SMURF1: variants seen among roughly 807,000 people sequenced by gnomAD.
SMURF1 encodes the protein SMAD specific E3 ubiquitin protein ligase 1, also known as E3 ubiquitin-protein ligase SMURF1.
A neutral mutation model predicts 98.0 loss-of-function variants in SMURF1; 44 were observed. The observed-to-expected ratio is 0.45, with a 90% CI of 0.35 to 0.58. The LOEUF (loss-of-function observed/expected upper bound fraction) is 0.58, where lower values mean the gene tolerates loss of function less well. SMURF1 is among the 20% of genes least tolerant of loss of function. SMURF1 has a pLI of 0.00. For missense variants in SMURF1, 687 were observed against 938.4 expected, an observed-to-expected ratio of 0.73 and a Z score of 3.50; for synonymous variants, 396 against 374.9, an observed-to-expected ratio of 1.06 and a Z score of -0.65.
intron 16 of SMURF1, among the ~76,000 whole-genome samples, chr7:99,035,047 C>T (rs1399508309): frequency 6.6e-6 from 1 of 152,218 alleles, no homozygotes; most frequent in Non-Finnish European, 1.5e-5. Context: ...AGAATTCCAC[C>T]CCACTTCCGG....
At chr7:99,094,013 AAAG>A (rs1368466648) in intron 1 of SMURF1, among the ~76,000 whole-genome samples, 1 of 152,206 alleles carries the variant, frequency 6.6e-6, no homozygotes, top group African/African-American at 2.4e-5. Flanking sequence ...AAATCAATTA[AAAG>A]AAATTATTTG....
chr7:99,140,308 A>G (rs1798089135), intron 1 of SMURF1, among the ~76,000 whole-genome samples: 2 of 99,172 alleles, frequency 2.0e-5, no homozygotes, highest in Non-Finnish European at 3.8e-5. Flanking sequence ...TTTTTTTGAG[A>G]CAGAGTCTCA....
Position 99,040,293 on chromosome 7 carries a change from A to ACG in SMURF1, c.1550+83_1550+84dup, listed in dbSNP as rs3033104. 593 of 1,240,850 alleles carry ACG rather than the reference A, an allele frequency of 4.8e-4. 3 individuals are homozygous for ACG. Among genetic ancestry groups the ACG allele is most frequent in the East Asian group, 2.1e-3 (75 of 35,138 alleles). The allele number at this position is 1,240,850 out of a possible 1,614,324, so 76.9% of individuals were successfully genotyped here. ...ACACACATCCCCAAAATACACACAC[A>ACG]CGCGCGCGCGCGCGCACGCGCATAC... is the stretch of plus-strand genomic sequence containing the variant. On this transcript the variant is annotated intron_variant, in intron 13 of 17. Transcript: ENST00000361368.
At chr7:99,059,408 AAAATAAAATAAAATAAAATAAAATAAAAT>A (rs1795971383) in intron 3 of SMURF1, among the ~76,000 whole-genome samples, 9 of 92,262 alleles carry the variant, frequency 9.8e-5, no homozygotes, top group East Asian at 3.4e-4. Context: ...AAAAAAAAAT[AAAATAAAATAAAATAAAATAAAATAAAAT>A]AAAATAAAAT....
chr7:99,106,937 C>T (rs1797206822), intron 1 of SMURF1, among the ~76,000 whole-genome samples: 1 of 152,122 alleles, frequency 6.6e-6, no homozygotes, highest in Non-Finnish European at 1.5e-5. Flanking sequence ...TTGCATTTTC[C>T]CCAAGTAAGT....
In SMURF1 at chr7:99,030,059, A is replaced by T. The variant is rs886934738; in HGVS notation, c.*525T>A. On this transcript the variant is annotated 3_prime_UTR_variant, in exon 18 of 18. Transcript: ENST00000361368. The stretch of plus-strand genomic sequence containing the variant: ...ATTATATAGTTATTTTCCAGTTGGA[A>T]ATTGATCTGCTACCCAGAACCGGCT... The T allele has an allele frequency of 1.3e-5, 2 of 153,852 alleles. No individual in the cohort carries two copies. The highest frequency in any genetic ancestry group is 2.4e-5 in the African/African-American group (1 of 41,484). The allele number at this position is 153,852 out of a possible 1,614,324, so 9.5% of individuals were successfully genotyped here.
At chr7:99,085,223 G>A (rs1796653645) in intron 1 of SMURF1, among the ~76,000 whole-genome samples, 1 of 151,712 alleles carries the variant, frequency 6.6e-6, no homozygotes, top group Admixed American at 6.6e-5. Context: ...CATGGTGGTG[G>A]GTGCCTGTAA....
chr7:99,108,376 G>A (rs983602678), intron 1 of SMURF1, among the ~76,000 whole-genome samples: 20 of 151,896 alleles, frequency 1.3e-4, no homozygotes, highest in African/African-American at 3.9e-4. Context: ...TTGGGAGGCC[G>A]AGGCGGGCAG....
chr7:99,068,431 T>TA (rs1796246529), intron 1 of SMURF1, among the ~76,000 whole-genome samples: 2 of 152,092 alleles, frequency 1.3e-5, no homozygotes, highest in South Asian at 4.1e-4. Flanking sequence ...GCTGGGACTA[T>TA]AGGCATGCAC....
intron 6 of SMURF1, 47 bp from the exon 7 acceptor site, chr7:99,052,493 C>T (rs1795783402): frequency 1.4e-6 from 2 of 1,472,390 alleles, no homozygotes; most frequent in Non-Finnish European, 1.8e-6. Context: ...ATGGAGGAGT[C>T]ACAAGACCAG....
intron 7 of SMURF1, 137 bp from the exon 8 acceptor site, chr7:99,051,578 G>A: frequency 1.4e-6 from 1 of 706,214 alleles, no homozygotes; most frequent in Non-Finnish European, 2.5e-6. Context: ...TTCTCTCTGA[G>A]GTGGCCGAAT....
chr7:99,086,630 T>G (rs1796686740), intron 1 of SMURF1, among the ~76,000 whole-genome samples: 1 of 152,228 alleles, frequency 6.6e-6, no homozygotes, highest in African/African-American at 2.4e-5. Context: ...ATAGCAGCAT[T>G]GTTCAGAATA....
At chr7:99,135,856 A>G (rs1471767685) in intron 1 of SMURF1, among the ~76,000 whole-genome samples, 6 of 152,210 alleles carry the variant, frequency 3.9e-5, no homozygotes, top group Non-Finnish European at 7.3e-5. Flanking sequence ...TATATTCTCA[A>G]CCACTAGAGT....
At chr7:99,060,543 G>T in intron 3 of SMURF1, 56 bp downstream of exon 3, 1 of 1,214,932 alleles carries the variant, frequency 8.2e-7, no homozygotes, top group Non-Finnish European at 1.2e-6. Context: ...TCTCGTAAAA[G>T]GTAGACACCT....
At chr7:99,033,158 T>A (rs1794982634) in intron 16 of SMURF1, 37 bp from the exon 17 acceptor site, 2 of 1,548,588 alleles carry the variant, frequency 1.3e-6, no homozygotes, top group Non-Finnish European at 1.7e-6. Context: ...TACTTCAGAG[T>A]TACAGCCGTG....
chr7:99,121,891 C>T (rs1797635230), intron 1 of SMURF1, among the ~76,000 whole-genome samples: 2 of 152,214 alleles, frequency 1.3e-5, no homozygotes, highest in African/African-American at 4.8e-5. Context: ...GCCAACAGGA[C>T]TCTCTGCAGG....
chr7:99,063,580 A>G (rs553075995), intron 1 of SMURF1, among the ~76,000 whole-genome samples: 1 of 151,384 alleles, frequency 6.6e-6, no homozygotes, highest in South Asian at 2.1e-4. Context: ...ATAGGCCACC[A>G]TGCCCAACCA....
At chr7:99,135,352 CTCTCTCTTT>C (rs1797965958) in intron 1 of SMURF1, among the ~76,000 whole-genome samples, 1 of 152,174 alleles carries the variant, frequency 6.6e-6, no homozygotes, top group African/African-American at 2.4e-5. Flanking sequence ...TCCCTCTCTC[CTCTCTCTTT>C]CCTCTGAAGA....
At chr7:99,051,130 A>G (rs1584460749) in intron 8 of SMURF1, 1 of 859,630 alleles carries the variant, frequency 1.2e-6, no homozygotes, top group East Asian at 2.7e-5. Context: ...AACTTCAACA[A>G]TGATCATGGT....
Sources: gnomAD v4.1 joint callset for allele counts (sites outside exome capture counted in the v4.1 genomes callset) on GRCh38, gnomAD v4.1.1 for gene constraint, MANE v1.5 for transcripts, NCBI Gene and HGNC (gene_info 2026-07-23, HGNC 2026-07-21) for gene names.